The following BPNT2 variants were observed in gnomAD, a reference collection of about 807,000 sequenced individuals.
BPNT2 encodes the protein Golgi-resident adenosine 3',5'-bisphosphate 3'-phosphatase.
In BPNT2, 11 loss-of-function variants were observed where a neutral mutation model predicts 29.3. That is an observed-to-expected ratio of 0.38 (90% confidence interval 0.24 to 0.62). The LOEUF (loss-of-function observed/expected upper bound fraction) is 0.62. Ranked by LOEUF, BPNT2 falls within the 20% of genes least tolerant of loss-of-function variation. The pLI is 0.62. For missense variants in BPNT2, 459 were observed against 473.4 expected (o/e 0.97, Z 0.28); for synonymous variants, 195 against 187.7 (o/e 1.04, Z -0.32).
At chr8:56,976,041 GACT>G (rs1342700914) in intron 3 of BPNT2, among the ~76,000 whole-genome samples, 1 of 152,084 alleles carries the variant, frequency 6.6e-6, no homozygotes, top group East Asian at 1.9e-4. Context: ...TGAAAATAAG[GACT>G]ACATTTTTTT....
At chr8:56,980,324 T>G in intron 1 of BPNT2, 127 bp from the exon 2 acceptor site, 1 of 766,046 alleles carries the variant, frequency 1.3e-6, no homozygotes, top group South Asian at 1.6e-5. Flanking sequence ...TTATTTCTTT[T>G]GATGCTCCAT....
At chr8:56,973,555 ATAT>A (rs778922641) in intron 3 of BPNT2, among the ~76,000 whole-genome samples, 26 of 152,300 alleles carry the variant, frequency 1.7e-4, no homozygotes, top group Middle Eastern at 3.4e-3. Flanking sequence ...GAGAGTGCAG[ATAT>A]TATTTTTAAA....
At chr8:56,977,251 C>T (rs1286885729) in intron 3 of BPNT2, among the ~76,000 whole-genome samples, 1 of 152,004 alleles carries the variant, frequency 6.6e-6, no homozygotes, top group African/African-American at 2.4e-5. Context: ...TCTTATAATT[C>T]TAAAGGCCAG....
chr8:56,959,592 A>C lies in BPNT2; in HGVS notation c.*4201T>G, dbSNP rs568359173. 1 of 152,326 alleles carries C rather than the reference A, an allele frequency of 6.6e-6. No homozygotes were observed. The highest frequency in any genetic ancestry group is 1.5e-5 in the Non-Finnish European group (1 of 68,020). 9.4% of individuals were successfully genotyped at this position (152,326 alleles called of 1,614,324 possible). A position where few individuals can be genotyped will look rare whatever the true frequency, so the allele number is the denominator to read the frequency against. On this transcript the variant is annotated 3_prime_UTR_variant, in exon 5 of 5. Coordinates refer to ENST00000262644, the MANE Select transcript of BPNT2 (RefSeq NM_017813.5). ...CTGTAGAGGACTAACAGCACACTGA[A>C]ATAATTTATTTAAAACTAAGATTTG...
Position 56,963,772 on chromosome 8 carries a change from G to GT in BPNT2, c.*20dup. The GT allele has an allele frequency of 6.2e-7, 1 of 1,613,646 alleles. No homozygotes were observed. ...CTAACCATTTCAGCTGTGAAGAACT[G>GT]TACCCTGTAATCAGTTATGCTCATT... On this transcript the variant is annotated 3_prime_UTR_variant, in exon 5 of 5. Transcript: ENST00000262644.
chr8:56,982,126 C>CTG (rs1340878187), intron 1 of BPNT2, among the ~76,000 whole-genome samples: 15 of 141,562 alleles, frequency 1.1e-4, no homozygotes, highest in African/African-American at 3.6e-4. Context: ...TTAAATATCT[C>CTG]TTTTTTTTTT....
At chr8:56,988,904 C>A (rs1806367901) in intron 1 of BPNT2, among the ~76,000 whole-genome samples, 1 of 152,084 alleles carries the variant, frequency 6.6e-6, no homozygotes, top group South Asian at 2.1e-4. Flanking sequence ...CCTAAAAATT[C>A]TTTCACTTCC....
intron 3 of BPNT2, among the ~76,000 whole-genome samples, chr8:56,967,780 G>C (rs1341493205): frequency 6.6e-6 from 1 of 152,084 alleles, no homozygotes; most frequent in African/African-American, 2.4e-5. Context: ...AAGAGATTAA[G>C]ATAGGGGCTT....
At chr8:56,976,817 T>G (rs941624341) in intron 3 of BPNT2, among the ~76,000 whole-genome samples, 6 of 152,136 alleles carry the variant, frequency 3.9e-5, no homozygotes, top group African/African-American at 1.2e-4. Flanking sequence ...CAGTAAACGA[T>G]GGTAGTATGG....
chr8:56,988,129 A>G (rs1322032196), intron 1 of BPNT2, among the ~76,000 whole-genome samples: 1 of 152,198 alleles, frequency 6.6e-6, no homozygotes, highest in Non-Finnish European at 1.5e-5. Flanking sequence ...TGTCTTTCAA[A>G]TATAGCTCTA....
chr8:56,963,871 T>TC lies in BPNT2; in HGVS notation c.1001dup (p.Leu335ThrfsTer4). 6.2e-7 allele frequency: 1 copy of TC among 1,613,950 alleles called. No individual in the cohort carries two copies. Among genetic ancestry groups the TC allele is most frequent in the Non-Finnish European group, 8.5e-7 (1 of 1,179,964 alleles). ...GGTTCATTCTGATGCTAGCAAGGAG[T>TC]CCCCCTTCAATGCCGTCTGAACCAG... On this transcript the variant is annotated frameshift_variant, in exon 5 of 5. Transcript: ENST00000262644. LOFTEE classifies it high-confidence loss of function.
At chr8:56,968,401 A>C (rs1170813054) in intron 3 of BPNT2, among the ~76,000 whole-genome samples, 2 of 151,936 alleles carry the variant, frequency 1.3e-5, no homozygotes, top group South Asian at 2.1e-4. Context: ...AAAAAAAAAA[A>C]AACAAAAAAG....
intron 3 of BPNT2, among the ~76,000 whole-genome samples, chr8:56,969,585 CA>C (rs35617693): frequency 0.21 from 31,824 of 149,618 alleles, 3,718 homozygotes; most frequent in East Asian, 0.45. Context: ...AAGTAAACAT[CA>C]AAAAAAAACA....
intron 2 of BPNT2, among the ~76,000 whole-genome samples, chr8:56,979,007 A>G (rs138674606): frequency 6.6e-6 from 1 of 152,322 alleles, no homozygotes; most frequent in East Asian, 1.9e-4. Flanking sequence ...AGTTTACCCT[A>G]TGTAACAAAC....
At chr8:56,992,981 C>A (rs1481870330) in intron 1 of BPNT2, among the ~76,000 whole-genome samples, 1 of 152,214 alleles carries the variant, frequency 6.6e-6, no homozygotes, top group Admixed American at 6.5e-5. Context: ...GCACACCCGA[C>A]CCAGGACGAG....
chr8:56,971,782 A>ACAC (rs1806037139), intron 3 of BPNT2, among the ~76,000 whole-genome samples: 1 of 104,174 alleles, frequency 9.6e-6, no homozygotes, highest in Admixed American at 1.1e-4. Flanking sequence ...ATTTTGTACC[A>ACAC]CCCCCCCCCC....
intron 3 of BPNT2, among the ~76,000 whole-genome samples, chr8:56,968,139 C>T (rs938725856): frequency 3.3e-5 from 5 of 151,764 alleles, no homozygotes; most frequent in Non-Finnish European, 7.4e-5. Flanking sequence ...TGAATAAATG[C>T]CATGAAACAC....
At chr8:56,966,140 T>C in intron 4 of BPNT2, 51 bp downstream of exon 4, 1 of 1,593,122 alleles carries the variant, frequency 6.3e-7, no homozygotes, top group Non-Finnish European at 8.6e-7. Context: ...TAACATAGCC[T>C]TGACCATGCC....
In BPNT2 at chr8:56,980,115, T is replaced by A; in HGVS notation, c.470A>T (p.Glu157Val). Residue 157 changes from glutamate to valine, a missense_variant, in exon 2 of 5, where the codon GAA becomes GTA. By Grantham distance (121) the Glu-to-Val change is moderately radical. Transcript: ENST00000262644. The part of the protein sequence containing the change: ...DHKIPEDILK[E>V]VTTPKEVPAE... ...TGGTACCTCTTTAGGAGTAGTTACT[T>A]CCTTTAGGATATCCTCAGGAATCTT... is the stretch of plus-strand genomic sequence containing the variant. 6.2e-7 allele frequency: 1 copy of A among 1,613,708 alleles called. No homozygotes were observed. Among genetic ancestry groups the A allele is most frequent in the Non-Finnish European group, 8.5e-7 (1 of 1,179,712 alleles).
Sources: gnomAD v4.1 joint callset for allele counts (sites outside exome capture counted in the v4.1 genomes callset) on GRCh38, gnomAD v4.1.1 for gene constraint, MANE v1.5 for transcripts, NCBI Gene and HGNC (gene_info 2026-07-23, HGNC 2026-07-21) for gene names.